MAF: variants seen among roughly 807,000 people sequenced by gnomAD.
MAF encodes the protein transcription factor Maf.
A neutral mutation model predicts 22.0 loss-of-function variants in MAF; 10 were observed. The ratio of observed to expected loss-of-function variants is 0.45; its 90% confidence interval spans 0.28 to 0.77. MAF has a LOEUF of 0.77. Ranked by LOEUF, MAF falls within the 30% of genes least tolerant of loss-of-function variation. MAF has a pLI of 0.12. For synonymous variants in MAF, 337 were observed against 255.8 expected (o/e 1.32, Z -3.03); for missense variants, 544 against 548.4 (o/e 0.99, Z 0.08).
the MAF span, among the ~76,000 whole-genome samples, chr16:79,439,015 T>G: frequency 3.9e-5 from 6 of 152,120 alleles, 1 homozygote; most frequent in South Asian, 1.2e-3. Context: ...CCTGTCCACC[T>G]CCAAAGCCCC....
chr16:79,303,216 C>T, the MAF span, among the ~76,000 whole-genome samples: 2 of 152,292 alleles, frequency 1.3e-5, no homozygotes, highest in Non-Finnish European at 2.9e-5. Flanking sequence ...AAGCATCTGA[C>T]TCTCATCTTC....
At chr16:79,502,708 A>ATACATACATATAT in the MAF span, among the ~76,000 whole-genome samples, 1 of 34,008 alleles carries the variant, frequency 2.9e-5, no homozygotes, top group Admixed American at 5.3e-4. Context: ...TATAAATATA[A>ATACATACATATAT]ATATATATAT....
chr16:79,374,450 G>C, the MAF span, among the ~76,000 whole-genome samples: 4 of 152,126 alleles, frequency 2.6e-5, no homozygotes, highest in Admixed American at 6.5e-5. Flanking sequence ...TTTCTCTCCT[G>C]AATTGCGGCA....
the MAF span, among the ~76,000 whole-genome samples, chr16:79,508,419 G>A: frequency 1.3e-5 from 2 of 152,138 alleles, no homozygotes; most frequent in East Asian, 1.9e-4. Context: ...CTCTCCTCCT[G>A]GGTGTAGGTC....
chr16:79,568,383 T>C, the MAF span, among the ~76,000 whole-genome samples: 5 of 152,152 alleles, frequency 3.3e-5, no homozygotes, highest in Admixed American at 1.3e-4. Flanking sequence ...CAAATTCCTG[T>C]TCTATCTGGA....
chr16:79,251,017 A>T, the MAF span, among the ~76,000 whole-genome samples: 5 of 152,292 alleles, frequency 3.3e-5, no homozygotes, highest in East Asian at 9.7e-4. Flanking sequence ...CACCTGCTAC[A>T]TTTTATTAGG....
At chr16:79,541,807 C>T in the MAF span, among the ~76,000 whole-genome samples, 1 of 151,908 alleles carries the variant, frequency 6.6e-6, no homozygotes, top group Non-Finnish European at 1.5e-5. Context: ...AGGCAGGCAC[C>T]ACCACGCCCA....
At chr16:79,213,231 A>G in the MAF span, among the ~76,000 whole-genome samples, 1 of 152,154 alleles carries the variant, frequency 6.6e-6, no homozygotes, top group African/African-American at 2.4e-5. Context: ...CCTCCTGATC[A>G]TGGCAGCTTC....
chr16:79,555,703 A>C, the MAF span, among the ~76,000 whole-genome samples: 1 of 152,226 alleles, frequency 6.6e-6, no homozygotes. Context: ...GATTAGGGAT[A>C]CTCAGTCAAT....
the MAF span, among the ~76,000 whole-genome samples, chr16:79,269,859 G>C: frequency 6.6e-6 from 1 of 152,264 alleles, no homozygotes; most frequent in African/African-American, 2.4e-5. Context: ...CTCTAAGGGA[G>C]AGGTTTGGCC....
chr16:79,256,645 AG>A, the MAF span, among the ~76,000 whole-genome samples: 2 of 152,194 alleles, frequency 1.3e-5, no homozygotes, highest in Non-Finnish European at 2.9e-5. Context: ...TAGCAAAGCC[AG>A]GTCTCCCGTT....
At chr16:79,413,117 G>T in the MAF span, among the ~76,000 whole-genome samples, 6 of 150,214 alleles carry the variant, frequency 4.0e-5, no homozygotes, top group African/African-American at 1.5e-4. Context: ...ATACTCCCCA[G>T]GACAAGTTGT....
chr16:79,291,456 G>A, the MAF span, among the ~76,000 whole-genome samples: 1 of 152,088 alleles, frequency 6.6e-6, no homozygotes, highest in Non-Finnish European at 1.5e-5. Context: ...ATACTCTCCA[G>A]CGGGTAGTGG....
chr16:79,280,922 C>A, the MAF span, among the ~76,000 whole-genome samples: 1 of 152,142 alleles, frequency 6.6e-6, no homozygotes, highest in East Asian at 1.9e-4. Context: ...TTCCTTGATC[C>A]ATTGTCAAAG....
At chr16:79,360,773 G>A in the MAF span, among the ~76,000 whole-genome samples, 1 of 152,162 alleles carries the variant, frequency 6.6e-6, no homozygotes, top group African/African-American at 2.4e-5. Flanking sequence ...GCAAGAAGGA[G>A]TGGAACAAGG....
chr16:79,545,345 G>A, the MAF span, among the ~76,000 whole-genome samples: 1 of 152,148 alleles, frequency 6.6e-6, no homozygotes, highest in East Asian at 1.9e-4. Flanking sequence ...CTGCAGAACT[G>A]AGGGGGCCCA....
the MAF span, among the ~76,000 whole-genome samples, chr16:79,332,224 A>T: frequency 8.5e-5 from 13 of 152,284 alleles, 1 homozygote; most frequent in African/African-American, 3.1e-4. Flanking sequence ...CTATTCACTC[A>T]CCTGTGCATA....
At chr16:79,320,850 A>G in the MAF span, among the ~76,000 whole-genome samples, 143 of 152,286 alleles carry the variant, frequency 9.4e-4, no homozygotes, top group African/African-American at 3.3e-3. Context: ...ATCTCATTGA[A>G]TCCTCACGAG....
the MAF span, among the ~76,000 whole-genome samples, chr16:79,509,549 TCCCGCCTCCCA>T: frequency 3.3e-5 from 5 of 152,190 alleles, no homozygotes; most frequent in African/African-American, 1.2e-4. Flanking sequence ...TGCAGACCTC[TCCCGCCTCCCA>T]CCCGCCTTCC....
Sources: allele counts gnomAD v4.1 joint callset (sites outside exome capture counted in the v4.1 genomes callset), GRCh38; gene constraint gnomAD v4.1.1; transcripts MANE v1.5; gene names NCBI Gene and HGNC (gene_info 2026-07-23, HGNC 2026-07-21).